The following NREP variants were observed in gnomAD, a reference collection of about 807,000 sequenced individuals.
NREP encodes neuronal regeneration-related protein.
Under a neutral mutation model 8.6 loss-of-function variants are expected in NREP, and 5 were observed. The ratio of observed to expected loss-of-function variants is 0.58; its 90% CI spans 0.30 to 1.22. The LOEUF (loss-of-function observed/expected upper bound fraction) is 1.22, where lower values mean the gene tolerates loss of function less well. Among genes scored for constraint, NREP ranks in the 50% most tolerant of loss-of-function variants. The pLI, the probability that NREP is intolerant of heterozygous loss-of-function variation, is 0.07. For missense variants in NREP, 86 were observed against 82.5 expected (o/e 1.04, Z -0.17); for synonymous variants, 27 against 28.0 (o/e 0.96, Z 0.11).
At chr5:111,754,308 T>C (rs1311963816) in intron 2 of NREP, among the ~76,000 whole-genome samples, 1 of 152,244 alleles carries the variant, frequency 6.6e-6, no homozygotes, top group Non-Finnish European at 1.5e-5. Context: ...AAACATGGTA[T>C]CTTACTCTTT....
At chr5:111,740,146 T>A (rs1749524776) in intron 2 of NREP, among the ~76,000 whole-genome samples, 1 of 152,184 alleles carries the variant, frequency 6.6e-6, no homozygotes. Flanking sequence ...TGCATCTTTT[T>A]CTATGATGCT....
At chr5:111,841,641 T>C (rs775517706) in intron 2 of NREP, among the ~76,000 whole-genome samples, 12 of 152,212 alleles carry the variant, frequency 7.9e-5, no homozygotes, top group Non-Finnish European at 1.6e-4. Flanking sequence ...TTCGTAAACC[T>C]GGGGTTCCCT....
intron 2 of NREP, among the ~76,000 whole-genome samples, chr5:111,855,162 T>C (rs370356444): frequency 1.1e-4 from 17 of 152,276 alleles, no homozygotes; most frequent in African/African-American, 4.1e-4. Context: ...TGCCAAATTG[T>C]ACACCTATAA....
At chr5:111,919,510 T>C (rs1755162858) in intron 2 of NREP, among the ~76,000 whole-genome samples, 1 of 152,156 alleles carries the variant, frequency 6.6e-6, no homozygotes. Context: ...AAAGAAAATG[T>C]GGCACATATA....
intron 2 of NREP, among the ~76,000 whole-genome samples, chr5:111,839,655 G>C (rs940277793): frequency 3.9e-5 from 6 of 151,976 alleles, no homozygotes; most frequent in Non-Finnish European, 8.8e-5. Flanking sequence ...TCCAAAAGAA[G>C]AACAACCACG....
At chr5:111,769,268 C>G (rs1397385019) in intron 2 of NREP, among the ~76,000 whole-genome samples, 4 of 152,200 alleles carry the variant, frequency 2.6e-5, no homozygotes, top group Non-Finnish European at 5.9e-5. Flanking sequence ...AGGCAAAATG[C>G]TAGGCACCAG....
chr5:111,968,022 GCTTCT>G (rs1756694157), intron 2 of NREP, among the ~76,000 whole-genome samples: 1 of 151,986 alleles, frequency 6.6e-6, no homozygotes, highest in African/African-American at 2.4e-5. Context: ...ATTTAACTAG[GCTTCT>G]CTTCATTTCC....
At chr5:111,968,851 A>G (rs1191754390) in intron 2 of NREP, among the ~76,000 whole-genome samples, 2 of 152,188 alleles carry the variant, frequency 1.3e-5, no homozygotes, top group African/African-American at 4.8e-5. Context: ...TTGTCTACAA[A>G]ACAAAGTCAT....
intron 2 of NREP, among the ~76,000 whole-genome samples, chr5:111,893,703 AT>A (rs1754445292): frequency 6.6e-6 from 1 of 151,036 alleles, no homozygotes; most frequent in African/African-American, 2.4e-5. Context: ...AGATAGATGC[AT>A]TTTTAGGCAC....
intron 2 of NREP, among the ~76,000 whole-genome samples, chr5:111,856,843 A>G (rs1561695986): frequency 6.6e-6 from 1 of 152,044 alleles, no homozygotes; most frequent in African/African-American, 2.4e-5. Context: ...CCTTTTGACA[A>G]AAAGTAAAGT....
At chr5:111,817,510 T>C (rs1387728074) in intron 2 of NREP, among the ~76,000 whole-genome samples, 1 of 152,090 alleles carries the variant, frequency 6.6e-6, no homozygotes, top group Non-Finnish European at 1.5e-5. Context: ...TTTTTCCTTT[T>C]AAAATATATT....
chr5:111,827,127 C>G (rs752311698), intron 2 of NREP, among the ~76,000 whole-genome samples: 2 of 152,102 alleles, frequency 1.3e-5, no homozygotes, highest in Non-Finnish European at 2.9e-5. Flanking sequence ...GTCGGCTTTC[C>G]CATGTCCAGT....
chr5:111,907,869 C>A (rs1430779798), intron 2 of NREP, among the ~76,000 whole-genome samples: 2 of 151,996 alleles, frequency 1.3e-5, no homozygotes, highest in African/African-American at 2.4e-5. Flanking sequence ...GCTTACTATA[C>A]CTGTAGGAAT....
At chr5:111,972,347 A>C (rs917722906) in intron 2 of NREP, among the ~76,000 whole-genome samples, 2 of 152,204 alleles carry the variant, frequency 1.3e-5, no homozygotes, top group Non-Finnish European at 2.9e-5. Context: ...AAAAGTTAAA[A>C]ATTAAAATTA....
At chr5:111,936,942 G>C (rs1215120767) in intron 2 of NREP, among the ~76,000 whole-genome samples, 2 of 152,016 alleles carry the variant, frequency 1.3e-5, no homozygotes, top group Non-Finnish European at 2.9e-5. Flanking sequence ...TTTTGACTCT[G>C]TGTCCTTGGA....
chr5:111,840,936 G>T (rs906784902), intron 2 of NREP, among the ~76,000 whole-genome samples: 8 of 152,074 alleles, frequency 5.3e-5, no homozygotes, highest in African/African-American at 1.9e-4. Flanking sequence ...GGGTATTTCA[G>T]CTTCAAGGAG....
intron 2 of NREP, among the ~76,000 whole-genome samples, chr5:111,798,734 GGTGTGTGTGTGTGT>G (rs571252142): frequency 1.8e-4 from 24 of 135,584 alleles, no homozygotes; most frequent in Non-Finnish European, 3.4e-4. Flanking sequence ...AGTATTCCAT[GGTGTGTGTGTGTGT>G]GTGTGTGTGT....
At chr5:111,919,086 C>T (rs915786009) in intron 2 of NREP, among the ~76,000 whole-genome samples, 3 of 150,120 alleles carry the variant, frequency 2.0e-5, no homozygotes, top group Non-Finnish European at 4.5e-5. Context: ...CGAACGGACA[C>T]TTCTCAAAAG....
intron 2 of NREP, among the ~76,000 whole-genome samples, chr5:111,821,169 C>T (rs1752505664): frequency 6.6e-6 from 1 of 152,202 alleles, no homozygotes. Flanking sequence ...ATGCACACAG[C>T]ACTCCGCTGG....
Sources: allele counts gnomAD v4.1 joint callset (sites outside exome capture counted in the v4.1 genomes callset), GRCh38; gene constraint gnomAD v4.1.1; transcripts MANE v1.5; gene names NCBI Gene and HGNC (gene_info 2026-07-23, HGNC 2026-07-21).